SLC8A1: variants seen among roughly 807,000 people sequenced by gnomAD.
SLC8A1 encodes the protein sodium/calcium exchanger 1.
Under a neutral mutation model 68.3 loss-of-function variants are expected in SLC8A1, and 18 were observed. That is an observed-to-expected ratio of 0.26 (90% confidence interval 0.18 to 0.39). SLC8A1 has a LOEUF of 0.39. SLC8A1 is among the 10% of genes least tolerant of loss of function. The probability of loss-of-function intolerance (pLI) is 1.00; values close to 1 mark genes in which losing one functional copy is unlikely to be tolerated. For synonymous variants in SLC8A1, 475 were observed against 415.5 expected (o/e 1.14, Z -1.74); for missense variants, 985 against 1,156.7 (o/e 0.85, Z 2.15).
At chr2:40,289,272 A>G (rs545254205) in intron 2 of SLC8A1, among the ~76,000 whole-genome samples, 27 of 152,228 alleles carry the variant, frequency 1.8e-4, no homozygotes, top group African/African-American at 6.3e-4. Context: ...AAATATTGTT[A>G]AACTATTTGT....
chr2:40,428,335 A>G, intron 2 of SLC8A1, 138 bp downstream of exon 2: 2 of 1,365,524 alleles, frequency 1.5e-6, no homozygotes, highest in Non-Finnish European at 1.9e-6. Context: ...ATATCTTGAA[A>G]GGGATCTTGT....
At chr2:40,484,703 G>C (rs1704845339) in intron 1 of SLC8A1, among the ~76,000 whole-genome samples, 2 of 152,204 alleles carry the variant, frequency 1.3e-5, no homozygotes, top group African/African-American at 4.8e-5. Flanking sequence ...GGAAAGGAGG[G>C]CTGAGGCCAG....
At chr2:40,120,899 A>T (rs186481988) in intron 7 of SLC8A1, 1 of 152,316 alleles carries the variant, frequency 6.6e-6, no homozygotes, top group East Asian at 1.9e-4. Context: ...CCATGTTTCA[A>T]AGGCTGTGTC....
chr2:40,162,323 G>C (rs1306515739), intron 5 of SLC8A1, among the ~76,000 whole-genome samples: 1 of 152,168 alleles, frequency 6.6e-6, no homozygotes, highest in Non-Finnish European at 1.5e-5. Context: ...AATTCAAAGT[G>C]CCTTGTAGAA....
intron 2 of SLC8A1, among the ~76,000 whole-genome samples, chr2:40,248,994 A>G (rs961036928): frequency 1.3e-5 from 2 of 152,214 alleles, no homozygotes; most frequent in African/African-American, 4.8e-5. Flanking sequence ...TTCTAGGGAC[A>G]TTCATTGAGA....
At chr2:40,115,932 A>G (rs1468668836) in intron 7 of SLC8A1, among the ~76,000 whole-genome samples, 1 of 152,182 alleles carries the variant, frequency 6.6e-6, no homozygotes, top group East Asian at 1.9e-4. Context: ...TTTTTTCAGA[A>G]AGTAGTCACA....
intron 6 of SLC8A1, among the ~76,000 whole-genome samples, chr2:40,140,529 A>T (rs1304097730): frequency 6.6e-6 from 1 of 152,242 alleles, no homozygotes; most frequent in African/African-American, 2.4e-5. Context: ...CTTATTAGAA[A>T]TTCAAATGAT....
chr2:40,293,519 T>C (rs1344332917), intron 2 of SLC8A1, among the ~76,000 whole-genome samples: 2 of 152,186 alleles, frequency 1.3e-5, no homozygotes, highest in African/African-American at 4.8e-5. Flanking sequence ...AATCACATTT[T>C]TCTCAATAGG....
At chr2:40,444,715 A>G (rs1701118222) in intron 1 of SLC8A1, among the ~76,000 whole-genome samples, 1 of 152,230 alleles carries the variant, frequency 6.6e-6, no homozygotes. Context: ...CATGATGTGA[A>G]AATTATGTGA....
At chr2:40,507,677 G>A (rs908458795) in intron 1 of SLC8A1, among the ~76,000 whole-genome samples, 3 of 151,956 alleles carry the variant, frequency 2.0e-5, no homozygotes, top group African/African-American at 7.2e-5. Context: ...GTGATCTTAG[G>A]CATATTATTT....
chr2:40,223,810 T>C (rs2058649180), intron 2 of SLC8A1: 1 of 152,160 alleles, frequency 6.6e-6, no homozygotes, highest in African/African-American at 2.4e-5. Flanking sequence ...AACTATTTTT[T>C]TTTAATCACA....
chr2:40,306,208 G>C (rs893447615), intron 2 of SLC8A1, among the ~76,000 whole-genome samples: 2 of 152,232 alleles, frequency 1.3e-5, no homozygotes, highest in Non-Finnish European at 2.9e-5. Flanking sequence ...AAATGGAAAG[G>C]AGATGAGGAA....
chr2:40,488,079 AG>A (rs989810916), intron 1 of SLC8A1, among the ~76,000 whole-genome samples: 3 of 152,074 alleles, frequency 2.0e-5, no homozygotes, highest in Admixed American at 1.3e-4. Context: ...TCTGAGTAAA[AG>A]TTTACCCTTT....
intron 2 of SLC8A1, among the ~76,000 whole-genome samples, chr2:40,255,875 A>G (rs915832216): frequency 6.6e-6 from 1 of 151,904 alleles, no homozygotes; most frequent in East Asian, 1.9e-4. Flanking sequence ...AACTTCCACT[A>G]AAAAGATGGA....
At chr2:40,127,473 C>G (rs2038377517) in intron 7 of SLC8A1, among the ~76,000 whole-genome samples, 1 of 152,186 alleles carries the variant, frequency 6.6e-6, no homozygotes, top group African/African-American at 2.4e-5. Context: ...TTTCACCCAT[C>G]TGAAGGCTCA....
chr2:40,195,673 T>C (rs1402668723), intron 2 of SLC8A1: 2 of 152,092 alleles, frequency 1.3e-5, no homozygotes, highest in Admixed American at 1.3e-4. Flanking sequence ...GAGAAGATAA[T>C]AAATTCTTAT....
At chr2:40,221,277 A>C (rs1396478211) in intron 2 of SLC8A1, among the ~76,000 whole-genome samples, 1 of 152,220 alleles carries the variant, frequency 6.6e-6, no homozygotes, top group African/African-American at 2.4e-5. Flanking sequence ...CCAATGGCAA[A>C]AACCACATGA....
chr2:40,392,716 T>C (rs759831072), intron 2 of SLC8A1, among the ~76,000 whole-genome samples: 1 of 151,974 alleles, frequency 6.6e-6, no homozygotes, highest in Non-Finnish European at 1.5e-5. Context: ...TTGTTAGTAA[T>C]GAAATGCCAA....
chr2:40,141,164 A>G (rs894376521), intron 6 of SLC8A1, among the ~76,000 whole-genome samples: 4 of 151,990 alleles, frequency 2.6e-5, no homozygotes, highest in African/African-American at 7.2e-5. Context: ...TGGGGCTGCA[A>G]TTTTCCACCT....
Sources: gnomAD v4.1 joint callset for allele counts (sites outside exome capture counted in the v4.1 genomes callset) on GRCh38, gnomAD v4.1.1 for gene constraint, MANE v1.5 for transcripts, NCBI Gene and HGNC (gene_info 2026-07-23, HGNC 2026-07-21) for gene names.